The following FAM184A variants were observed in gnomAD, a reference collection of about 807,000 sequenced individuals.
The protein encoded by FAM184A is family with sequence similarity 184 member A, also known as protein FAM184A.
A neutral mutation model predicts 143.8 loss-of-function variants in FAM184A; 99 were observed. That is an observed-to-expected ratio of 0.69 (90% CI 0.58 to 0.81). The LOEUF (loss-of-function observed/expected upper bound fraction) is 0.81. FAM184A is among the 40% of genes least tolerant of loss of function. FAM184A has a pLI of 0.00. For missense variants in FAM184A, 1,217 were observed against 1,310.5 expected, an observed-to-expected ratio of 0.93 and a Z score of 1.10; for synonymous variants, 427 against 446.4, an observed-to-expected ratio of 0.96 and a Z score of 0.55.
chr6:119,100,632 C>T (rs1361809965), intron 1 of FAM184A, among the ~76,000 whole-genome samples: 1 of 151,972 alleles, frequency 6.6e-6, no homozygotes, highest in Non-Finnish European at 1.5e-5. Flanking sequence ...CCTCTCTGTA[C>T]TGACCCATTG....
chr6:118,976,300 T>C (rs1380894076), intron 11 of FAM184A, among the ~76,000 whole-genome samples: 3 of 152,208 alleles, frequency 2.0e-5, no homozygotes, highest in Non-Finnish European at 4.4e-5. Flanking sequence ...TTTTTATACA[T>C]GCTTTCAGTA....
At position 119,024,200 on chromosome 6, in the gene FAM184A, A is replaced by G; in HGVS notation, c.773T>C (p.Phe258Ser). The change falls in exon 2 of 18, where the codon TTT (phenylalanine) becomes TCT (serine). Residue 258 changes from phenylalanine (F) to serine (S), a missense_variant. Physicochemically the swap from Phe to Ser is radical, Grantham distance 155. Transcript: ENST00000338891. ...CAAAGTATCAAGCTCACGTTCATAA[A>G]AGGACTGAGCTTTATTCAACTTGCC... ...YEGKLNKAQS[F>S]YERELDTLKR... 1.2e-6 allele frequency: 2 copies of G among 1,614,210 alleles called. No homozygotes were observed.
intron 1 of FAM184A, among the ~76,000 whole-genome samples, chr6:119,098,345 C>T (rs566839221): frequency 6.6e-6 from 1 of 152,262 alleles, no homozygotes; most frequent in East Asian, 1.9e-4. Context: ...ATGTCTTTAT[C>T]AGTGGTGTGA....
intron 1 of FAM184A, among the ~76,000 whole-genome samples, chr6:119,122,576 G>A (rs1789246824): frequency 6.6e-6 from 1 of 152,082 alleles, no homozygotes; most frequent in Non-Finnish European, 1.5e-5. Flanking sequence ...ATTTATGAAA[G>A]GAGAAACGTG....
intron 1 of FAM184A, among the ~76,000 whole-genome samples, chr6:119,127,858 C>T (rs1789415657): frequency 6.6e-6 from 1 of 151,438 alleles, no homozygotes; most frequent in Non-Finnish European, 1.5e-5. Flanking sequence ...ATTCATTCAA[C>T]AAACATTCAT....
Position 118,979,493 on chromosome 6 carries a change from T to C in FAM184A, c.2327A>G (p.Lys776Arg). 1.9e-6 allele frequency: 3 copies of C among 1,611,864 alleles called. No homozygotes were observed. The highest frequency in any genetic ancestry group is 2.5e-6 in the Non-Finnish European group (3 of 1,179,386). The change falls in exon 11 of 18, where the codon AAG (lysine) becomes AGG (arginine). Residue 776 changes from lysine to arginine, a missense_variant. Transcript: ENST00000338891. ...TAGTGATTGAAGCTCTGCAGAATGC[T>C]TCTGTTGTAAATGATTTTCAAGAGC... ...QRALENHLQQ[K>R]HSAELQSLKD...
intron 9 of FAM184A, among the ~76,000 whole-genome samples, chr6:118,994,909 C>T (rs898789640): frequency 1.3e-5 from 2 of 152,052 alleles, no homozygotes; most frequent in African/African-American, 2.4e-5. Context: ...ATGCTTTACA[C>T]GTACAAGATA....
At chr6:119,121,813 G>C (rs575638027) in intron 1 of FAM184A, among the ~76,000 whole-genome samples, 1 of 152,324 alleles carries the variant, frequency 6.6e-6, no homozygotes, top group South Asian at 2.1e-4. Context: ...CAGTTAAAAA[G>C]AACAGTATTG....
At chr6:119,145,383 C>T (rs1012107766) in intron 1 of FAM184A, among the ~76,000 whole-genome samples, 30 of 152,244 alleles carry the variant, frequency 2.0e-4, no homozygotes, top group African/African-American at 7.0e-4. Context: ...TCTGCAAATA[C>T]ACCCTTCTGT....
In FAM184A at chr6:119,108,886, T is replaced by G. The variant is rs190159055; in HGVS notation, c.-202+40192A>C. ...GTGACTTCTACTCAACTTCCAAATG[T>G]TTTCTTCCTAGCTTTTGAGGGCATC... is the stretch of plus-strand genomic sequence containing the variant. On this transcript the variant is annotated intron_variant, in intron 1 of 16. Coordinates refer to the FAM184A transcript ENST00000352896. Among the ~76,000 whole-genome samples, 6 of 152,300 alleles carry G rather than the reference T, an allele frequency of 3.9e-5. No homozygotes were observed. In the East Asian group the frequency reaches 1.2e-3, roughly 29 times the overall value.
chr6:119,058,443 T>A (rs1787093246), intron 1 of FAM184A, among the ~76,000 whole-genome samples: 1 of 152,070 alleles, frequency 6.6e-6, no homozygotes, highest in Non-Finnish European at 1.5e-5. Context: ...CTTCAGGTGA[T>A]CTGCCCACCT....
chr6:119,078,915 A>G (rs1439514698), upstream of FAM184A: 1 of 152,920 alleles, frequency 6.5e-6, no homozygotes, highest in Non-Finnish European at 1.5e-5. The surrounding 1 kb of genome is among the most constrained non-coding windows in gnomAD (Gnocchi z 5.5). Context: ...GGGATCCAGC[A>G]GCCCAGCCCT....
chr6:119,098,837 G>A (rs1406751043), intron 1 of FAM184A, among the ~76,000 whole-genome samples: 3 of 152,190 alleles, frequency 2.0e-5, no homozygotes, highest in Non-Finnish European at 2.9e-5. Flanking sequence ...GTGTTAAGAT[G>A]TTATCTTTAG....
At chr6:118,970,643 G>A (rs1486700754) in intron 14 of FAM184A, among the ~76,000 whole-genome samples, 1 of 152,062 alleles carries the variant, frequency 6.6e-6, no homozygotes, top group Admixed American at 6.5e-5. Context: ...TTAAAGCCTG[G>A]GAAATGCCGC....
intron 9 of FAM184A, among the ~76,000 whole-genome samples, chr6:118,988,755 G>C (rs1784269326): frequency 6.6e-6 from 1 of 152,040 alleles, no homozygotes; most frequent in Non-Finnish European, 1.5e-5. Flanking sequence ...TTTTTCAGAA[G>C]TTCATTGAAA....
At chr6:118,970,006 A>ATTTTTTT (rs1242296300) in intron 14 of FAM184A, among the ~76,000 whole-genome samples, 1 of 20,490 alleles carries the variant, frequency 4.9e-5, no homozygotes, top group East Asian at 2.0e-3. Context: ...ATATATATAT[A>ATTTTTTT]TATTTTTTTT....
At chr6:118,971,709 G>A (rs769839066) in intron 14 of FAM184A, among the ~76,000 whole-genome samples, 4 of 152,184 alleles carry the variant, frequency 2.6e-5, no homozygotes, top group East Asian at 3.9e-4. Flanking sequence ...GCACCAAAGC[G>A]GATTTGTAAT....
At chr6:119,007,619 A>C (rs1784961874) in intron 6 of FAM184A, among the ~76,000 whole-genome samples, 1 of 152,090 alleles carries the variant, frequency 6.6e-6, no homozygotes, top group African/African-American at 2.4e-5. Flanking sequence ...AGTTTGGTAA[A>C]ATTCTTCCAT....
chr6:119,081,941 TC>T (rs754461177), upstream of FAM184A, among the ~76,000 whole-genome samples: 15 of 152,334 alleles, frequency 9.8e-5, no homozygotes, highest in Non-Finnish European at 2.1e-4. Flanking sequence ...TGTGTGTTCC[TC>T]CACTGATGTG....
Sources: allele counts gnomAD v4.1 joint callset (sites outside exome capture counted in the v4.1 genomes callset), GRCh38; gene constraint gnomAD v4.1.1; non-coding constraint Gnocchi (gnomAD v3.1); transcripts MANE v1.5; gene names NCBI Gene and HGNC (gene_info 2026-07-23, HGNC 2026-07-21).